SLC14A2: variants seen among roughly 807,000 people sequenced by gnomAD.
SLC14A2 encodes solute carrier family 14 member 2.
Under a neutral mutation model 104.6 loss-of-function variants are expected in SLC14A2, and 91 were observed. The observed-to-expected ratio is 0.87, with a 90% CI of 0.73 to 1.04. The LOEUF (loss-of-function observed/expected upper bound fraction) is 1.04, where lower values mean the gene tolerates loss of function less well. SLC14A2 is among the 50% of genes least tolerant of loss of function. The pLI is 0.00. For missense variants in SLC14A2, 1,189 were observed against 1,156.0 expected (o/e 1.03, Z -0.41); for synonymous variants, 476 against 466.4 (o/e 1.02, Z -0.27).
At position 45,330,972 on chromosome 18, in the gene SLC14A2, G is replaced by A. The variant is rs148899163; in HGVS notation, c.-125+117781G>A. ...TGCTTCATGCATTTTCAAAAAATAC[G>A]TGATTGAAAAAATATACAAATGGTG... On this transcript the variant is annotated intron_variant, in intron 1 of 20. Transcript: ENST00000586448. 3.7e-3 allele frequency among the ~76,000 whole-genome samples: 567 copies of A among 152,238 alleles called. 2 individuals are homozygous for A. The highest frequency in any genetic ancestry group is 0.013 in the African/African-American group (541 of 41,544).
intron 1 of SLC14A2, among the ~76,000 whole-genome samples, chr18:45,391,862 C>T (rs911011050): frequency 3.3e-5 from 5 of 152,164 alleles, no homozygotes; most frequent in Non-Finnish European, 7.3e-5. Context: ...AACATTTTCT[C>T]CCATTTTGTG....
At chr18:45,489,752 A>G (rs576778651) in intron 2 of SLC14A2, among the ~76,000 whole-genome samples, 1 of 152,320 alleles carries the variant, frequency 6.6e-6, no homozygotes, top group South Asian at 2.1e-4. Flanking sequence ...GAAGTTTGAC[A>G]GAAAGGAGTG....
At chr18:45,526,304 C>G (rs866114324) in intron 2 of SLC14A2, among the ~76,000 whole-genome samples, 1 of 152,150 alleles carries the variant, frequency 6.6e-6, no homozygotes, top group African/African-American at 2.4e-5. Context: ...TTGTGTGATA[C>G]GGCCAGAAGT....
At chr18:45,505,057 G>A (rs1477787028) in intron 2 of SLC14A2, among the ~76,000 whole-genome samples, 1 of 152,034 alleles carries the variant, frequency 6.6e-6, no homozygotes, top group African/African-American at 2.4e-5. Context: ...AAGAGAGTTA[G>A]GAAAAGAAAA....
intron 2 of SLC14A2, among the ~76,000 whole-genome samples, chr18:45,562,145 C>T (rs1309239045): frequency 6.6e-6 from 1 of 152,180 alleles, no homozygotes; most frequent in Non-Finnish European, 1.5e-5. Context: ...TGCACAACAC[C>T]AAACTAAATA....
At chr18:45,363,942 C>T (rs1206193865) in intron 1 of SLC14A2, among the ~76,000 whole-genome samples, 2 of 152,114 alleles carry the variant, frequency 1.3e-5, no homozygotes, top group African/African-American at 2.4e-5. Flanking sequence ...CCTCCTGCCT[C>T]CCCAGAATGG....
At chr18:45,485,383 A>G (rs1386513035) in intron 2 of SLC14A2, 1 of 152,206 alleles carries the variant, frequency 6.6e-6, no homozygotes, top group African/African-American at 2.4e-5. Context: ...TTTTTATTCC[A>G]CTACATGCTA....
chr18:45,532,054 G>A (rs1304833999), intron 2 of SLC14A2, among the ~76,000 whole-genome samples: 1 of 152,094 alleles, frequency 6.6e-6, no homozygotes, highest in African/African-American at 2.4e-5. Flanking sequence ...TGTTCCATTG[G>A]TCTATATCTC....
chr18:45,481,493 G>T (rs1018185402), intron 1 of SLC14A2, among the ~76,000 whole-genome samples: 4 of 152,094 alleles, frequency 2.6e-5, no homozygotes, highest in Non-Finnish European at 5.9e-5. Context: ...CAACCGCAGA[G>T]TTCAGAGCTT....
chr18:45,673,197 T>C (rs2086485300), intron 17 of SLC14A2, 150 bp downstream of exon 17: 1 of 768,642 alleles, frequency 1.3e-6, no homozygotes, highest in Non-Finnish European at 2.1e-6. Flanking sequence ...GTTTTTGATC[T>C]AGCCCCTTTA....
At chr18:45,650,333 A>G (rs1238786436) in intron 10 of SLC14A2, among the ~76,000 whole-genome samples, 1 of 151,498 alleles carries the variant, frequency 6.6e-6, no homozygotes, top group Non-Finnish European at 1.5e-5. Context: ...TTTTTTTTTT[A>G]ATTTTCTATC....
chr18:45,547,814 C>T (rs759959628), intron 2 of SLC14A2, among the ~76,000 whole-genome samples: 2 of 152,106 alleles, frequency 1.3e-5, no homozygotes, highest in African/African-American at 2.4e-5. Flanking sequence ...CCCAGGAAGA[C>T]GTTTTTATAG....
intron 1 of SLC14A2, among the ~76,000 whole-genome samples, chr18:45,323,050 G>A (rs545972980): frequency 2.6e-5 from 4 of 152,270 alleles, no homozygotes; most frequent in African/African-American, 9.6e-5. Flanking sequence ...CTACCTGGCT[G>A]CATCCTAATG....
chr18:45,640,042 C>A, intron 7 of SLC14A2, 149 bp downstream of exon 7: 1 of 749,492 alleles, frequency 1.3e-6, no homozygotes, highest in Non-Finnish European at 2.1e-6. Flanking sequence ...GCCTGTAATC[C>A]CAGCACTTTG....
At chr18:45,222,180 CT>C (rs1308005213) in intron 1 of SLC14A2, among the ~76,000 whole-genome samples, 2 of 152,120 alleles carry the variant, frequency 1.3e-5, no homozygotes, top group African/African-American at 2.4e-5. Flanking sequence ...TCTCAGTTTA[CT>C]TGTTTATTTC....
chr18:45,370,043 A>T (rs1034031787), intron 1 of SLC14A2, among the ~76,000 whole-genome samples: 1 of 152,202 alleles, frequency 6.6e-6, no homozygotes, highest in Admixed American at 6.5e-5. Flanking sequence ...CATCTTCTCT[A>T]ACCAACACTG....
chr18:45,415,885 C>T (rs1251803695), intron 1 of SLC14A2, among the ~76,000 whole-genome samples: 4 of 152,084 alleles, frequency 2.6e-5, no homozygotes, highest in African/African-American at 7.2e-5. Flanking sequence ...TGGGAAGCAG[C>T]GACTGAAAAA....
At chr18:45,216,196 A>G (rs2084009118) in intron 1 of SLC14A2, among the ~76,000 whole-genome samples, 2 of 152,208 alleles carry the variant, frequency 1.3e-5, no homozygotes, top group South Asian at 2.1e-4. Context: ...ATTTTAAAAT[A>G]GTTTTTTAAG....
At chr18:45,558,314 T>C (rs2044158331) in intron 2 of SLC14A2, among the ~76,000 whole-genome samples, 2 of 152,208 alleles carry the variant, frequency 1.3e-5, no homozygotes, top group African/African-American at 4.8e-5. Flanking sequence ...CTTATGTCAC[T>C]AGTACGACCC....
Sources: gnomAD v4.1 joint callset for allele counts (sites outside exome capture counted in the v4.1 genomes callset) on GRCh38, gnomAD v4.1.1 for gene constraint, MANE v1.5 for transcripts, NCBI Gene and HGNC (gene_info 2026-07-23, HGNC 2026-07-21) for gene names.